Variants in CD55 observed in about 807,000 individuals in gnomAD.
The protein encoded by CD55 is CD55 molecule (Cromer blood group), also known as complement decay-accelerating factor.
Under a neutral mutation model 45.8 loss-of-function variants are expected in CD55, and 41 were observed. The observed-to-expected ratio is 0.90, with a 90% confidence interval of 0.70 to 1.16. The LOEUF (loss-of-function observed/expected upper bound fraction) is 1.16, where lower values mean the gene tolerates loss of function less well. Ranked by LOEUF, CD55 falls within the 50% of genes most tolerant of loss-of-function variation. CD55 has a pLI of 0.00. For synonymous variants in CD55, 181 were observed against 181.1 expected (o/e 1.00, Z 0.01); for missense variants, 416 against 469.8 (o/e 0.89, Z 1.06).
At chr1:207,337,232 CAG>C (rs1243343701) in intron 7 of CD55, 95 bp from the exon 8 acceptor site, 3 of 799,858 alleles carry the variant, frequency 3.8e-6, no homozygotes, top group South Asian at 3.0e-5. Flanking sequence ...TGCATTTACG[CAG>C]AGTCCTTCAG....
Position 207,325,720 on chromosome 1 carries a change from G to T in CD55, c.577G>T (p.Gly193Trp). 6.4e-7 allele frequency: 1 copy of T among 1,567,566 alleles called. No homozygotes were observed. The highest frequency in any genetic ancestry group is 1.1e-5 in the South Asian group (1 of 89,494). The change falls in exon 4 of 10, where the codon GGG becomes TGG. Residue 193 changes from glycine (G) to tryptophan (W), a missense_variant and splice_region_variant. Transcript: ENST00000367064. ...AACCATCTCCTTCTCATGTAACACA[G>T]GGTAAGTTTGGGCATACTAAAACCC... is the stretch of plus-strand genomic sequence containing the variant. ...GATISFSCNTGYKLFGSTSSF... is the reference protein window; with the variant it reads ...GATISFSCNTWYKLFGSTSSF...
chr1:207,352,946 T>C (rs1375573881), intron 9 of CD55, among the ~76,000 whole-genome samples: 2 of 151,630 alleles, frequency 1.3e-5, no homozygotes, highest in Admixed American at 1.3e-4. Context: ...CATTTTCAGC[T>C]AAGATAACTG....
intron 9 of CD55, among the ~76,000 whole-genome samples, chr1:207,355,588 A>G (rs1656047782): frequency 6.6e-6 from 1 of 152,324 alleles, no homozygotes; most frequent in East Asian, 1.9e-4. Flanking sequence ...TAGGCAAAGT[A>G]AATATAGTTT....
At chr1:207,324,514 A>G (rs1386508631) in intron 2 of CD55, 45 bp from the exon 3 acceptor site, 1 of 1,386,812 alleles carries the variant, frequency 7.2e-7, no homozygotes, top group Admixed American at 2.3e-5. Context: ...ATAAAACAAA[A>G]ATTGATACTA....
Position 207,336,111 on chromosome 1 carries a change from T to C in CD55, c.854-582T>C, listed in dbSNP as rs541774484. ...TATGCTTTTCAGAATATGTTCTTAA[T>C]GAAAGTTTCACCTGACTTGTTATCT... On this transcript the variant is annotated intron_variant, in intron 6 of 9. Transcript: ENST00000367064. Among the ~76,000 whole-genome samples the C allele has an allele frequency of 2.0e-4, 30 of 152,284 alleles. 1 individual carries two copies. Among genetic ancestry groups the C allele is most frequent in the African/African-American group, 6.7e-4 (28 of 41,550 alleles).
At chr1:207,332,299 AT>A (rs201499932) in intron 6 of CD55, among the ~76,000 whole-genome samples, 1 of 151,884 alleles carries the variant, frequency 6.6e-6, no homozygotes, top group Non-Finnish European at 1.5e-5. Flanking sequence ...TTCTAGTTTG[AT>A]TTTTTTTATG....
At position 207,325,634 on chromosome 1, in the gene CD55, C is replaced by G; in HGVS notation, c.491C>G (p.Pro164Arg). Residue 164 changes from proline to arginine, a missense_variant, in exon 4 of 10, where the codon CCT (proline) becomes CGT (arginine). Coordinates refer to ENST00000367064, the MANE Select transcript of CD55 (RefSeq NM_000574.5). ...AVEFCKKKSC[P>R]NPGEIRNGQI... is the part of the protein sequence containing the mutation. ...TATTCTATTCTAGAGAAATCATGCC[C>G]TAATCCGGGAGAAATACGAAATGGT... 1 of 1,605,248 alleles carries G rather than the reference C, an allele frequency of 6.2e-7. No individual in the cohort carries two copies. Among genetic ancestry groups the G allele is most frequent in the Non-Finnish European group, 8.5e-7 (1 of 1,173,176 alleles).
At chr1:207,347,448 G>T in intron 9 of CD55, 1 of 347,292 alleles carries the variant, frequency 2.9e-6, no homozygotes, top group South Asian at 2.3e-5. Context: ...TTTCAGTAGA[G>T]ACGGTGTTTC....
chr1:207,323,237 A>C (rs1428726239), intron 2 of CD55, among the ~76,000 whole-genome samples: 1 of 151,128 alleles, frequency 6.6e-6, no homozygotes, highest in Non-Finnish European at 1.5e-5. Flanking sequence ...ATATATAAGG[A>C]GATATATATA....
chr1:207,339,388 C>T lies in CD55; in HGVS notation c.1061-9C>T, dbSNP rs750443090. 5.6e-6 allele frequency: 9 copies of T among 1,598,340 alleles called. No individual in the cohort carries two copies. Among genetic ancestry groups the T allele is most frequent in the African/African-American group, 1.4e-5 (1 of 74,050 alleles). The stretch of plus-strand genomic sequence containing the variant: ...TGTTGTTAATCCTTTTTTTCCCCTT[C>T]GTCTGTAGGTACTACCCGTCTTCTA... On this transcript the variant is annotated splice_polypyrimidine_tract_variant and intron_variant, in intron 8 of 9. Coordinates refer to ENST00000367064, the MANE Select transcript of CD55 (RefSeq NM_000574.5).
chr1:207,354,616 T>C (rs887906995), intron 9 of CD55, among the ~76,000 whole-genome samples: 1 of 152,218 alleles, frequency 6.6e-6, no homozygotes, highest in Non-Finnish European at 1.5e-5. Context: ...TTTCATACTT[T>C]CATTTTTCCC....
rs897982946 is a variant in CD55, at chr1:207,339,430, C to T, written c.1081+13C>T. ...CGTCTTCTATCTGGTAAGTTTGGCT[C>T]TCAGGCCATTAAAAGAAATTGTTTT... On this transcript the variant is annotated intron_variant, in intron 9 of 9. Coordinates refer to ENST00000367064, the MANE Select transcript of CD55 (RefSeq NM_000574.5). 8 of 1,600,586 alleles carry T rather than the reference C, an allele frequency of 5.0e-6. No homozygotes were observed. In the African/African-American group the frequency reaches 9.4e-5, roughly 19 times the overall value.
At chr1:207,340,630 A>G in intron 9 of CD55, 3 of 668,098 alleles carry the variant, frequency 4.5e-6, no homozygotes, top group Non-Finnish European at 8.1e-6. Context: ...GCCTCCCAAA[A>G]CGTTGCGATT....
chr1:207,347,004 T>C (rs1655666747), intron 9 of CD55: 2 of 430,980 alleles, frequency 4.6e-6, no homozygotes, highest in Non-Finnish European at 4.7e-6. Flanking sequence ...CCAGGCAATC[T>C]CAGCCAAACA....
intron 9 of CD55, among the ~76,000 whole-genome samples, chr1:207,352,395 T>A (rs939352041): frequency 2.0e-5 from 3 of 151,562 alleles, no homozygotes; most frequent in Admixed American, 1.3e-4. Flanking sequence ...AAAAGGAAAA[T>A]TTTTTTTTAA....
chr1:207,353,310 A>G (rs1181331767), intron 9 of CD55, among the ~76,000 whole-genome samples: 1 of 152,126 alleles, frequency 6.6e-6, no homozygotes, highest in East Asian at 1.9e-4. Context: ...TGAGACATTC[A>G]TAAGTCCCTC....
intron 6 of CD55, among the ~76,000 whole-genome samples, chr1:207,336,026 A>T (rs1224328489): frequency 6.6e-6 from 1 of 152,162 alleles, no homozygotes; most frequent in Non-Finnish European, 1.5e-5. Flanking sequence ...GGGACTTTGT[A>T]TAAGTGACCC....
At chr1:207,335,381 A>G (rs975357895) in intron 6 of CD55, among the ~76,000 whole-genome samples, 4 of 152,202 alleles carry the variant, frequency 2.6e-5, no homozygotes, top group African/African-American at 9.7e-5. Context: ...CTAAGCTACA[A>G]TACATTGCAA....
chr1:207,334,949 G>C (rs1025688148), intron 6 of CD55, among the ~76,000 whole-genome samples: 1 of 152,014 alleles, frequency 6.6e-6, no homozygotes, highest in African/African-American at 2.4e-5. Context: ...CAAGAACACA[G>C]AATAGTTGAA....
Sources: allele counts gnomAD v4.1 joint callset (sites outside exome capture counted in the v4.1 genomes callset), GRCh38; gene constraint gnomAD v4.1.1; transcripts MANE v1.5; gene names NCBI Gene and HGNC (gene_info 2026-07-23, HGNC 2026-07-21).